Variants in SIPA1L3 observed in about 807,000 individuals in gnomAD.
SIPA1L3 encodes the protein signal induced proliferation associated 1 like 3, also known as signal-induced proliferation-associated 1-like protein 3.
A neutral mutation model predicts 150.1 loss-of-function variants in SIPA1L3; 59 were observed. That is an observed-to-expected ratio of 0.39 (90% CI 0.32 to 0.49). SIPA1L3 has a LOEUF of 0.49. Ranked by LOEUF, SIPA1L3 falls within the 20% of genes least tolerant of loss-of-function variation. The pLI is 0.86. For missense variants in SIPA1L3, 2,211 were observed against 2,489.5 expected (o/e 0.89, Z 2.38); for synonymous variants, 1,070 against 1,077.6 (o/e 0.99, Z 0.14).
At chr19:37,989,476 G>A (rs79731501) in intron 1 of SIPA1L3, among the ~76,000 whole-genome samples, 16,050 of 152,000 alleles carry the variant, frequency 0.11, 1,104 homozygotes, top group Non-Finnish European at 0.15. Flanking sequence ...CTCATGTCTT[G>A]GACTCCCAAA....
chr19:38,066,786 A>G (rs1969602172), intron 2 of SIPA1L3, among the ~76,000 whole-genome samples: 2 of 145,374 alleles, frequency 1.4e-5, no homozygotes, highest in South Asian at 4.3e-4. Context: ...AGATCACGCC[A>G]CTGCACTCCA....
At chr19:37,978,736 AG>A (rs1967131360) in intron 1 of SIPA1L3, among the ~76,000 whole-genome samples, 2 of 152,184 alleles carry the variant, frequency 1.3e-5, no homozygotes, top group African/African-American at 4.8e-5. Flanking sequence ...ACACTTTGGG[AG>A]GCTGAGGCGG....
chr19:38,014,048 G>A (rs1968170635), intron 1 of SIPA1L3, among the ~76,000 whole-genome samples: 2 of 152,212 alleles, frequency 1.3e-5, no homozygotes, highest in African/African-American at 2.4e-5. Flanking sequence ...TGCTCAGCCC[G>A]GCATTCTGCC....
intron 1 of SIPA1L3, chr19:37,964,347 A>G (rs2046884159): frequency 6.6e-6 from 1 of 152,240 alleles, no homozygotes; most frequent in Admixed American, 6.6e-5. Flanking sequence ...AGCCATGTTC[A>G]TGACACTGTA....
At chr19:38,076,503 A>G (rs983943253) in intron 2 of SIPA1L3, among the ~76,000 whole-genome samples, 1 of 152,172 alleles carries the variant, frequency 6.6e-6, no homozygotes, top group African/African-American at 2.4e-5. Context: ...TGTGACACTC[A>G]TCATCTCCGC....
intron 10 of SIPA1L3, among the ~76,000 whole-genome samples, chr19:38,140,768 C>G (rs577783655): frequency 1.3e-5 from 2 of 152,034 alleles, no homozygotes; most frequent in Non-Finnish European, 2.9e-5. Context: ...TTAAAATAGG[C>G]CATCCCCAGC....
chr19:37,997,301 C>T (rs560533529), intron 1 of SIPA1L3, among the ~76,000 whole-genome samples: 167 of 152,100 alleles, frequency 1.1e-3, no homozygotes, highest in African/African-American at 3.9e-3. Context: ...GGCACGGTGG[C>T]TCACATCTAT....
rs143973352 is a variant in SIPA1L3 at position 38,136,539 on chromosome 19, G to A, written c.3144-4645G>A. On this transcript the variant is annotated intron_variant, in intron 10 of 21. Coordinates refer to ENST00000222345, the MANE Select transcript of SIPA1L3 (RefSeq NM_015073.3). Reference sequence around the variant, plus strand: ...GAATCACTTGAACCCGGGAGGTGGAGATTGCAGTGAGCCAAGACTGCGTCA... The same window carrying A: ...GAATCACTTGAACCCGGGAGGTGGAAATTGCAGTGAGCCAAGACTGCGTCA... Among the ~76,000 whole-genome samples the A allele has an allele frequency of 1.3e-3, 194 of 152,286 alleles. 1 individual carries two copies. The highest frequency in any genetic ancestry group is 4.4e-3 in the African/African-American group (181 of 41,564).
chr19:38,128,623 G>A (rs373254454), intron 9 of SIPA1L3, among the ~76,000 whole-genome samples: 1 of 144,584 alleles, frequency 6.9e-6, no homozygotes, highest in South Asian at 2.1e-4. Context: ...TTGGCCGGGC[G>A]CAGTGGCTCA....
At chr19:38,110,506 G>GTA in intron 8 of SIPA1L3, 122 bp downstream of exon 8, 1 of 726,518 alleles carries the variant, frequency 1.4e-6, no homozygotes, top group Non-Finnish European at 2.3e-6. Context: ...AGAGCTCGGC[G>GTA]TATACTCCCC....
At chr19:38,062,623 T>TATTA (rs56703259) in intron 2 of SIPA1L3, among the ~76,000 whole-genome samples, 8 of 151,076 alleles carry the variant, frequency 5.3e-5, no homozygotes, top group Admixed American at 1.3e-4. Context: ...TTATTATTAT[T>TATTA]TTTTTTTTTG....
At chr19:38,128,072 T>G (rs1452104437) in intron 9 of SIPA1L3, among the ~76,000 whole-genome samples, 1 of 139,504 alleles carries the variant, frequency 7.2e-6, no homozygotes. Flanking sequence ...TTTTTTTTTT[T>G]TTGAGACAGT....
intron 1 of SIPA1L3, among the ~76,000 whole-genome samples, chr19:37,965,942 G>GT (rs1032280894): frequency 6.6e-6 from 1 of 152,104 alleles, no homozygotes; most frequent in African/African-American, 2.4e-5. Flanking sequence ...TTTGTGTGCG[G>GT]TGGGCACTTG....
rs569236464 is a variant in SIPA1L3 at position 38,192,172 on chromosome 19, C to G, written c.4458C>G (p.Val1486=). 4 of 1,610,832 alleles carry G rather than the reference C, an allele frequency of 2.5e-6. No individual in the cohort carries two copies. In the African/African-American group the frequency reaches 5.4e-5, roughly 22 times the overall value. ...AGGTGGACACGAACACCAAAAATGT[C>G]TTTGGGCAACCGAGGTTGAGGGCAT... ...KKQVDTNTKN[V]FGQPRLRASL... The change falls in exon 17 of 22, where the codon GTC becomes GTG. Residue 1486 remains valine (V), a synonymous_variant. Coordinates refer to ENST00000222345, the MANE Select transcript of SIPA1L3 (RefSeq NM_015073.3).
At chr19:38,061,847 T>G (rs940503927) in intron 2 of SIPA1L3, among the ~76,000 whole-genome samples, 11 of 150,506 alleles carry the variant, frequency 7.3e-5, no homozygotes, top group African/African-American at 2.2e-4. Flanking sequence ...GCTGGCTAAT[T>G]GGTTATCTGG....
chr19:38,158,294 C>T (rs1443849306), intron 13 of SIPA1L3, among the ~76,000 whole-genome samples: 1 of 152,080 alleles, frequency 6.6e-6, no homozygotes, highest in African/African-American at 2.4e-5. Context: ...GTTTGGGGGG[C>T]ATCTCTGAGC....
chr19:38,171,169 G>A (rs557714560), intron 15 of SIPA1L3, among the ~76,000 whole-genome samples: 1 of 152,092 alleles, frequency 6.6e-6, no homozygotes, highest in African/African-American at 2.4e-5. Flanking sequence ...ATGAATTAGA[G>A]TTGCGTGTGC....
intron 16 of SIPA1L3, among the ~76,000 whole-genome samples, chr19:38,187,642 CA>C (rs1480120514): frequency 7.0e-6 from 1 of 143,432 alleles, no homozygotes; most frequent in Non-Finnish European, 1.5e-5. Context: ...GCGTGAACCC[CA>C]GGGGGCGGAG....
intron 9 of SIPA1L3, among the ~76,000 whole-genome samples, chr19:38,127,154 T>A (rs996542822): frequency 6.6e-6 from 1 of 152,122 alleles, no homozygotes; most frequent in Admixed American, 6.6e-5. Context: ...ATTGTGCCAT[T>A]GCACTCCAGC....
Sources: gnomAD v4.1 joint callset for allele counts (sites outside exome capture counted in the v4.1 genomes callset) on GRCh38, gnomAD v4.1.1 for gene constraint, MANE v1.5 for transcripts, NCBI Gene and HGNC (gene_info 2026-07-23, HGNC 2026-07-21) for gene names.